Variants in TBC1D1 observed in about 807,000 individuals in gnomAD.
TBC1D1 encodes the protein TBC1 (tre-2/USP6, BUB2, cdc16) domain family, member 1.
TBC1D1 carries 89 observed loss-of-function variants against 125.6 expected under a neutral mutation model. That is an observed-to-expected ratio of 0.71 (90% CI 0.60 to 0.85). The LOEUF is 0.85. TBC1D1 is among the 40% of genes least tolerant of loss of function. The pLI, the probability that TBC1D1 is intolerant of heterozygous loss-of-function variation, is 0.00. For missense variants in TBC1D1, 1,377 were observed against 1,469.2 expected (o/e 0.94, Z 1.03); for synonymous variants, 565 against 564.1 (o/e 1.00, Z -0.02).
intron 18 of TBC1D1, among the ~76,000 whole-genome samples, chr4:38,126,119 A>G (rs1263737360): frequency 6.6e-6 from 1 of 152,236 alleles, no homozygotes; most frequent in Non-Finnish European, 1.5e-5. Context: ...CCTAGGCCCT[A>G]CAAATCTGTA....
chr4:38,021,319 G>T (rs1220487874), intron 5 of TBC1D1, among the ~76,000 whole-genome samples: 1 of 152,152 alleles, frequency 6.6e-6, no homozygotes, highest in Non-Finnish European at 1.5e-5. Context: ...GGGAATTATG[G>T]GAGCTACAAT....
At chr4:38,069,080 G>T (rs146461629) in intron 12 of TBC1D1, among the ~76,000 whole-genome samples, 5 of 152,144 alleles carry the variant, frequency 3.3e-5, no homozygotes, top group African/African-American at 1.2e-4. Flanking sequence ...AAGCAAGTGG[G>T]GACTGTCATG....
intron 14 of TBC1D1, among the ~76,000 whole-genome samples, chr4:38,099,807 T>C (rs1389985430): frequency 1.3e-5 from 2 of 152,162 alleles, no homozygotes; most frequent in East Asian, 1.9e-4. Flanking sequence ...AGCAAAAACA[T>C]TGGGTCCAAC....
chr4:38,029,439 C>T (rs1745716842), intron 7 of TBC1D1, among the ~76,000 whole-genome samples: 2 of 152,232 alleles, frequency 1.3e-5, no homozygotes, highest in African/African-American at 4.8e-5. Context: ...GCGATCTTGG[C>T]TCACTGCAAC....
rs138513744 is a variant in TBC1D1, at chr4:38,102,905, A to G, written c.2399-94A>G. The G allele has an allele frequency of 1.5e-3, 2,107 of 1,410,126 alleles. 27 individuals are homozygous for G. In the African/African-American group the frequency reaches 0.028, roughly 19 times the overall value. 87.4% of individuals were successfully genotyped at this position (1,410,126 alleles called of 1,614,324 possible). ...CAAAAAAAAAAAAAAAGGAACAAGA[A>G]TTTGGATAAATGGAACATGAAACAC... On this transcript the variant is annotated intron_variant, in intron 14 of 19. Coordinates refer to ENST00000261439, the MANE Select transcript of TBC1D1 (RefSeq NM_015173.4).
intron 7 of TBC1D1, 150 bp from the exon 8 acceptor site, chr4:38,035,438 C>G (rs1166766872): frequency 7.0e-5 from 42 of 601,942 alleles, no homozygotes; most frequent in Non-Finnish European, 8.5e-6. Flanking sequence ...TAAAAATTCT[C>G]TCTACTTTTA....
intron 11 of TBC1D1, 141 bp downstream of exon 12, chr4:38,052,201 G>GCA (rs1750723845): frequency 4.4e-6 from 3 of 687,762 alleles, no homozygotes; most frequent in Non-Finnish European, 4.6e-6. Context: ...GTGTGCGCGC[G>GCA]CGTGTGTGTC....
At chr4:38,001,543 C>T (rs1000331931) in intron 2 of TBC1D1, among the ~76,000 whole-genome samples, 1 of 152,004 alleles carries the variant, frequency 6.6e-6, no homozygotes, top group Non-Finnish European at 1.5e-5. Context: ...AAAGTTGGTC[C>T]CTCTGGCAAC....
intron 15 of TBC1D1, among the ~76,000 whole-genome samples, chr4:38,106,886 C>A (rs1761398221): frequency 6.6e-6 from 1 of 152,186 alleles, no homozygotes; most frequent in African/African-American, 2.4e-5. Flanking sequence ...CTTCCTTGAG[C>A]TGGCATGAGG....
At chr4:37,971,996 G>C (rs1732118882) in intron 2 of TBC1D1, among the ~76,000 whole-genome samples, 1 of 152,110 alleles carries the variant, frequency 6.6e-6, no homozygotes, top group Non-Finnish European at 1.5e-5. Flanking sequence ...CTGAGAATTT[G>C]ACCTTTGCTC....
intron 14 of TBC1D1, among the ~76,000 whole-genome samples, chr4:38,102,340 C>T (rs1196595862): frequency 6.6e-6 from 1 of 152,016 alleles, no homozygotes. Context: ...TCTTACATGA[C>T]AATTTTTCAT....
intron 2 of TBC1D1, among the ~76,000 whole-genome samples, chr4:37,985,551 A>G (rs1735274210): frequency 6.6e-6 from 1 of 152,244 alleles, no homozygotes; most frequent in Admixed American, 6.5e-5. Context: ...CTTGTGTCTG[A>G]AATGAACTTA....
Position 38,035,572 on chromosome 4 carries a change from G to T in TBC1D1, c.1303-16G>T, listed in dbSNP as rs1313390160. 2 of 1,598,848 alleles carry T rather than the reference G, an allele frequency of 1.3e-6. No homozygotes were observed. The highest frequency in any genetic ancestry group is 1.3e-5 in the African/African-American group (1 of 74,450). On this transcript the variant is annotated splice_polypyrimidine_tract_variant and intron_variant, in intron 7 of 19. Transcript: ENST00000261439. ...ACGATTAAAAATAAATCCTGTTTCT[G>T]ATTTTTGTTTTAAAGAAATTGAGAC...
chr4:37,962,107 A>G (rs900362292), intron 2 of TBC1D1, among the ~76,000 whole-genome samples: 4 of 152,178 alleles, frequency 2.6e-5, no homozygotes, highest in Non-Finnish European at 4.4e-5. Context: ...TTTGTTCACT[A>G]TGGTGTCCAA....
At chr4:38,087,081 G>A (rs548759624) in intron 12 of TBC1D1, among the ~76,000 whole-genome samples, 1 of 152,238 alleles carries the variant, frequency 6.6e-6, no homozygotes, top group Non-Finnish European at 1.5e-5. Flanking sequence ...ATTGTTGTAA[G>A]AATCAAACAA....
At chr4:38,007,615 C>A (rs1740601664) in intron 2 of TBC1D1, among the ~76,000 whole-genome samples, 1 of 152,164 alleles carries the variant, frequency 6.6e-6, no homozygotes, top group Non-Finnish European at 1.5e-5. Flanking sequence ...ATTTCTCTAT[C>A]CTCAACCTCC....
In TBC1D1 at chr4:38,104,251, C is replaced by T. The variant is rs142302555; in HGVS notation, c.2557+1094C>T. Among the ~76,000 whole-genome samples, 155 of 151,678 alleles carry T rather than the reference C, an allele frequency of 1.0e-3. 1 individual carries two copies. Among genetic ancestry groups the T allele is most frequent in the African/African-American group, 3.6e-3 (148 of 41,342 alleles). On this transcript the variant is annotated intron_variant, in intron 15 of 19. Coordinates refer to ENST00000261439, the MANE Select transcript of TBC1D1 (RefSeq NM_015173.4). ...CATCTTATAGAAGGGCCTTGAGCAC[C>T]GTGGATTTTGGTGTCTGTGGGGACT...
intron 2 of TBC1D1, among the ~76,000 whole-genome samples, chr4:38,005,239 G>A (rs536701060): frequency 6.6e-6 from 1 of 152,188 alleles, no homozygotes; most frequent in Admixed American, 6.5e-5. Context: ...TAAAGCAAGA[G>A]GATAGGGAAG....
chr4:37,919,191 G>A (rs1330631939), intron 2 of TBC1D1, among the ~76,000 whole-genome samples: 1 of 151,956 alleles, frequency 6.6e-6, no homozygotes, highest in Non-Finnish European at 1.5e-5. Flanking sequence ...ATTTTGGGAT[G>A]AAGTCTCACT....
Sources: allele counts gnomAD v4.1 joint callset (sites outside exome capture counted in the v4.1 genomes callset), GRCh38; gene constraint gnomAD v4.1.1; transcripts MANE v1.5; gene names NCBI Gene and HGNC (gene_info 2026-07-23, HGNC 2026-07-21).